Variants in COG2 observed in about 807,000 individuals in gnomAD.
The protein encoded by COG2 is conserved oligomeric Golgi complex subunit 2.
Under a neutral mutation model 90.6 loss-of-function variants are expected in COG2, and 52 were observed. The observed-to-expected ratio is 0.57, with a 90% CI of 0.46 to 0.72. The LOEUF (loss-of-function observed/expected upper bound fraction) is 0.72, where lower values mean the gene tolerates loss of function less well. Ranked by LOEUF, COG2 falls within the 30% of genes least tolerant of loss-of-function variation. The pLI is 0.00. For missense variants in COG2, 829 were observed against 891.2 expected (o/e 0.93, Z 0.89); for synonymous variants, 337 against 320.4 (o/e 1.05, Z -0.55).
intron 1 of COG2, among the ~76,000 whole-genome samples, chr1:230,644,589 C>G (rs138174336): frequency 6.6e-6 from 1 of 152,162 alleles, no homozygotes; most frequent in Non-Finnish European, 1.5e-5. Context: ...CTGTTATTAC[C>G]TCTCTTCTGG....
chr1:230,656,125 T>G lies in COG2; in HGVS notation c.73-3339T>G, dbSNP rs578028230. Among the ~76,000 whole-genome samples the G allele has an allele frequency of 2.6e-5, 4 of 152,262 alleles. No homozygotes were observed. The East Asian group carries it at 7.7e-4, about 29-fold the overall frequency. Reference sequence around the variant, plus strand: ...ATCTCCTTCAGTTCTGCTCTGATCTTAGTTATTTCTCGTCTTCTGCTAGCT... The same window carrying G: ...ATCTCCTTCAGTTCTGCTCTGATCTGAGTTATTTCTCGTCTTCTGCTAGCT... On this transcript the variant is annotated intron_variant, in intron 1 of 17. Transcript: ENST00000366669.
intron 4 of COG2, among the ~76,000 whole-genome samples, chr1:230,663,431 C>A (rs1235745619): frequency 6.6e-6 from 1 of 152,034 alleles, no homozygotes; most frequent in Non-Finnish European, 1.5e-5. Flanking sequence ...CTTTTGATAA[C>A]TTTAGTACCC....
intron 12 of COG2, among the ~76,000 whole-genome samples, chr1:230,686,006 G>A (rs1662877043): frequency 6.6e-6 from 1 of 152,222 alleles, no homozygotes; most frequent in Non-Finnish European, 1.5e-5. Flanking sequence ...AGTAGGAAAG[G>A]ATCCCAGTCA....
chr1:230,677,988 C>T, intron 9 of COG2: 1 of 984,958 alleles, frequency 1.0e-6, no homozygotes. Context: ...TAAGTTTGCC[C>T]AAAACCATTT....
intron 1 of COG2, among the ~76,000 whole-genome samples, chr1:230,647,387 G>A (rs1661813394): frequency 6.6e-6 from 1 of 152,196 alleles, no homozygotes; most frequent in South Asian, 2.1e-4. Flanking sequence ...TATTGAAACA[G>A]GAGGTGTGTC....
chr1:230,687,183 A>C, intron 13 of COG2, 51 bp downstream of exon 13: 1 of 1,529,518 alleles, frequency 6.5e-7, no homozygotes, highest in Non-Finnish European at 9.0e-7. Flanking sequence ...ATGTTTTCAC[A>C]GAAGGTAGTA....
At chr1:230,657,560 C>T (rs1270436308) in intron 1 of COG2, among the ~76,000 whole-genome samples, 9 of 152,152 alleles carry the variant, frequency 5.9e-5, no homozygotes, top group East Asian at 5.8e-4. Flanking sequence ...TTGCTCTTCT[C>T]GAGGAGCATC....
In COG2 at chr1:230,658,024, C is replaced by T. The variant is rs374103472; in HGVS notation, c.73-1440C>T. Among the ~76,000 whole-genome samples the T allele has an allele frequency of 4.9e-4, 75 of 152,224 alleles. 1 individual carries two copies. Among genetic ancestry groups the T allele is most frequent in the African/African-American group, 1.8e-3 (75 of 41,544 alleles). On this transcript the variant is annotated intron_variant, in intron 1 of 17. Transcript: ENST00000366669. ...ATTGGGTTAGAACATGCTCGTTTAG[C>T]TTGGAGGAGTTTGTTATTACCCACC...
rs1291643490 is a variant in COG2, at chr1:230,675,127, A to G, written c.1026+3A>G. On this transcript the variant is annotated splice_donor_region_variant and intron_variant, in intron 9 of 17. Coordinates refer to ENST00000366669, the MANE Select transcript of COG2 (RefSeq NM_007357.3). ...GGAATCCCGATGCATTTCATGAGGT[A>G]TCTCCCCGCCCGTCGTCTTGATTCT... 1 of 1,609,102 alleles carries G rather than the reference A, an allele frequency of 6.2e-7. No homozygotes were observed. Among genetic ancestry groups the G allele is most frequent in the Non-Finnish European group, 8.5e-7 (1 of 1,177,692 alleles).
intron 15 of COG2, among the ~76,000 whole-genome samples, chr1:230,689,322 G>A (rs944063407): frequency 1.3e-5 from 2 of 152,216 alleles, no homozygotes; most frequent in Non-Finnish European, 2.9e-5. Context: ...CCACTTGGAA[G>A]TGGGAGAGAG....
chr1:230,669,437 A>G lies in COG2; in HGVS notation c.676A>G (p.Ile226Val), dbSNP rs1558273735. The G allele has an allele frequency of 6.2e-7, 1 of 1,614,138 alleles. No individual in the cohort carries two copies. ...AGGCCTTCAGACGTCTGACGTCGAT[A>G]TAATACGGCACTGCTTGCGGACTTA... ...LEGLQTSDVD[I>V]IRHCLRTYAT... The change falls in exon 7 of 18, where the codon ATA becomes GTA. Residue 226 changes from isoleucine (I) to valine (V), a missense_variant. Ile to Val is a conservative substitution (Grantham distance 29). Transcript: ENST00000366669.
intron 1 of COG2, among the ~76,000 whole-genome samples, chr1:230,644,490 T>C (rs1327961635): frequency 6.6e-6 from 1 of 152,254 alleles, no homozygotes; most frequent in Non-Finnish European, 1.5e-5. Context: ...GTTTTGTACG[T>C]GTGAGAAAGT....
In COG2 at chr1:230,659,552, A is replaced by G; in HGVS notation, c.161A>G (p.Lys54Arg). 1 of 1,614,070 alleles carries G rather than the reference A, an allele frequency of 6.2e-7. No homozygotes were observed. The highest frequency in any genetic ancestry group is 8.5e-7 in the Non-Finnish European group (1 of 1,179,956). ...ELRDDLELYY[K>R]LLKTAMVELI... ...AGAGATGACCTGGAGCTCTACTATAAACTTCTTAAAACAGCCATGGTCGAA... is the reference window on the plus strand; with the variant it reads ...AGAGATGACCTGGAGCTCTACTATAGACTTCTTAAAACAGCCATGGTCGAA... The change falls in exon 2 of 18, where the codon AAA (lysine) becomes AGA (arginine). Residue 54 changes from lysine (K) to arginine (R), a missense_variant. By Grantham distance (26) the Lys-to-Arg change is conservative. Coordinates refer to ENST00000366669, the MANE Select transcript of COG2 (RefSeq NM_007357.3).
chr1:230,663,105 A>C, intron 3 of COG2, 36 bp from the exon 4 acceptor site: 2 of 1,521,706 alleles, frequency 1.3e-6, no homozygotes, highest in Non-Finnish European at 1.8e-6. Flanking sequence ...GTTACAAAAC[A>C]ATCTCTGCAG....
intron 15 of COG2, among the ~76,000 whole-genome samples, chr1:230,689,096 C>T (rs1196069879): frequency 2.0e-5 from 3 of 151,870 alleles, no homozygotes. Context: ...TTTGGGAAGC[C>T]GAGGCAGGAG....
chr1:230,683,394 G>C (rs749979188), intron 10 of COG2, 180 bp from the exon 11 acceptor site: 4 of 531,212 alleles, frequency 7.5e-6, no homozygotes, highest in South Asian at 6.9e-5. Context: ...GCTTAGTCAC[G>C]ATTTCTTGTT....
At chr1:230,692,906 G>GT (rs1402419541) in intron 17 of COG2, among the ~76,000 whole-genome samples, 1 of 152,026 alleles carries the variant, frequency 6.6e-6, no homozygotes, top group Non-Finnish European at 1.5e-5. Context: ...ATTCTAAAAG[G>GT]TTTTTGGCAA....
At chr1:230,675,545 T>C (rs1245109495) in intron 9 of COG2, among the ~76,000 whole-genome samples, 1 of 152,214 alleles carries the variant, frequency 6.6e-6, no homozygotes, top group Non-Finnish European at 1.5e-5. Flanking sequence ...AAGGAATTGG[T>C]TGGATTTTAA....
At position 230,686,970 on chromosome 1, in the gene COG2, G is replaced by A; in HGVS notation, c.1416G>A (p.Lys472=). ...SLRPISNESP[K]EIKKPLVTGS... ...GGCCCATTTCTAATGAAAGTCCCAA[G>A]GAGATCAAGAAACCTTTGGTAACTG... is the stretch of plus-strand genomic sequence containing the variant. The change falls in exon 13 of 18, where the codon AAG becomes AAA. Residue 472 remains lysine (K), a synonymous_variant. Transcript: ENST00000366669. 1.3e-6 allele frequency: 2 copies of A among 1,595,820 alleles called. No individual in the cohort carries two copies. Among genetic ancestry groups the A allele is most frequent in the Non-Finnish European group, 1.7e-6 (2 of 1,168,888 alleles).
Sources: allele counts gnomAD v4.1 joint callset (sites outside exome capture counted in the v4.1 genomes callset), GRCh38; gene constraint gnomAD v4.1.1; transcripts MANE v1.5; gene names NCBI Gene and HGNC (gene_info 2026-07-23, HGNC 2026-07-21).